Variants in PSTPIP2 observed in about 807,000 individuals in gnomAD.
The protein encoded by PSTPIP2 is proline-serine-threonine phosphatase interacting protein 2.
Under a neutral mutation model 63.3 loss-of-function variants are expected in PSTPIP2, and 33 were observed. That is an observed-to-expected ratio of 0.52 (90% CI 0.40 to 0.70). PSTPIP2 has a LOEUF of 0.70. PSTPIP2 is among the 30% of genes least tolerant of loss of function. The probability of loss-of-function intolerance (pLI) is 0.00; values close to 1 mark genes in which losing one functional copy is unlikely to be tolerated. For synonymous variants in PSTPIP2, 125 were observed against 132.7 expected, an observed-to-expected ratio of 0.94 and a Z score of 0.40; for missense variants, 312 against 400.7, an observed-to-expected ratio of 0.78 and a Z score of 1.89.
intron 2 of PSTPIP2, among the ~76,000 whole-genome samples, chr18:46,031,502 G>A (rs1414479621): frequency 6.6e-6 from 1 of 152,144 alleles, no homozygotes; most frequent in Non-Finnish European, 1.5e-5. Context: ...ACCTGAAGCT[G>A]ACTCTAGTTA....
At chr18:46,014,031 CT>C (rs61657655) in intron 4 of PSTPIP2, among the ~76,000 whole-genome samples, 173 of 146,810 alleles carry the variant, frequency 1.2e-3, no homozygotes, top group African/African-American at 2.0e-3. Context: ...AAGAAGGGAT[CT>C]TTTTTTTTTT....
chr18:46,005,002 A>G (rs2051709622), intron 6 of PSTPIP2, among the ~76,000 whole-genome samples: 1 of 152,256 alleles, frequency 6.6e-6, no homozygotes, highest in Admixed American at 6.5e-5. Flanking sequence ...TATGTGGTAC[A>G]TATACACCAT....
At chr18:45,995,300 G>A (rs769890677) in intron 9 of PSTPIP2, among the ~76,000 whole-genome samples, 3 of 151,842 alleles carry the variant, frequency 2.0e-5, no homozygotes, top group Non-Finnish European at 4.4e-5. Flanking sequence ...ACAAAATTTC[G>A]CTGTGTTGCC....
chr18:46,011,024 C>G (rs687526), intron 5 of PSTPIP2, 157 bp downstream of exon 5: 2 of 640,468 alleles, frequency 3.1e-6, no homozygotes, highest in African/African-American at 3.7e-5. Context: ...TGCATATACC[C>G]ATCTGGACTG....
chr18:46,062,995 C>T (rs1304436622), intron 1 of PSTPIP2, among the ~76,000 whole-genome samples: 6 of 152,148 alleles, frequency 3.9e-5, no homozygotes, highest in Non-Finnish European at 8.8e-5. Flanking sequence ...CTTAAGCCCT[C>T]ATACTCAAAA....
chr18:46,048,456 G>A (rs1296237298), intron 1 of PSTPIP2, among the ~76,000 whole-genome samples: 1 of 152,192 alleles, frequency 6.6e-6, no homozygotes, highest in Non-Finnish European at 1.5e-5. Context: ...AGCAGCAACA[G>A]AAAGCTAACA....
chr18:46,032,037 A>G (rs1196068444), intron 2 of PSTPIP2, among the ~76,000 whole-genome samples: 1 of 152,210 alleles, frequency 6.6e-6, no homozygotes, highest in Non-Finnish European at 1.5e-5. Context: ...AGGAATTACT[A>G]GAACATCACA....
At chr18:46,025,336 G>A (rs970196368) in intron 2 of PSTPIP2, among the ~76,000 whole-genome samples, 1 of 151,984 alleles carries the variant, frequency 6.6e-6, no homozygotes, top group African/African-American at 2.4e-5. Context: ...ATATCCTCAC[G>A]GTAAAAGACT....
At chr18:46,063,231 C>T (rs1231183928) in intron 1 of PSTPIP2, among the ~76,000 whole-genome samples, 4 of 151,908 alleles carry the variant, frequency 2.6e-5, no homozygotes, top group Non-Finnish European at 5.9e-5. Flanking sequence ...TCTTGAACCC[C>T]TGGACTCAAG....
intron 12 of PSTPIP2, among the ~76,000 whole-genome samples, chr18:45,991,334 A>G (rs1033653321): frequency 4.6e-5 from 7 of 152,210 alleles, no homozygotes; most frequent in Non-Finnish European, 1.0e-4. Context: ...TAAAGGGCCA[A>G]GTAGTAAATG....
chr18:46,019,393 C>T lies in PSTPIP2; in HGVS notation c.213-3456G>A, dbSNP rs182045149. 6.1e-3 allele frequency among the ~76,000 whole-genome samples: 936 copies of T among 152,316 alleles called. 6 individuals carry two copies. Among genetic ancestry groups the T allele is most frequent in the Non-Finnish European group, 7.2e-3 (490 of 68,026 alleles). Reference sequence around the variant, plus strand: ...TTCTCTCTGCCTTTTCTCACATGAACATTTGCGCCAGTTATTACAAATACA... The same window carrying T: ...TTCTCTCTGCCTTTTCTCACATGAATATTTGCGCCAGTTATTACAAATACA... On this transcript the variant is annotated intron_variant, in intron 3 of 14. Transcript: ENST00000409746.
intron 1 of PSTPIP2, among the ~76,000 whole-genome samples, chr18:46,042,801 C>T (rs1482925621): frequency 6.6e-6 from 1 of 152,064 alleles, no homozygotes; most frequent in African/African-American, 2.4e-5. Context: ...TCTTGGCCCT[C>T]CTATTCTTAT....
At position 46,037,398 on chromosome 18, in the gene PSTPIP2, C is replaced by T. The variant is rs112753674; in HGVS notation, c.134+2549G>A. 4.7e-3 allele frequency among the ~76,000 whole-genome samples: 717 copies of T among 152,244 alleles called. 11 individuals carry two copies. The highest frequency in any genetic ancestry group is 0.03 in the Admixed American group (451 of 15,286). On this transcript the variant is annotated intron_variant, in intron 2 of 14. Coordinates refer to ENST00000409746, the MANE Select transcript of PSTPIP2 (RefSeq NM_024430.4). ...TCGACCTCAGGTGATCTGCCTGCCT[C>T]GGCCTCCCAAAGTTCTGGGATTACA...
chr18:46,057,777 C>T (rs541974932), intron 1 of PSTPIP2, among the ~76,000 whole-genome samples: 220 of 152,084 alleles, frequency 1.4e-3, no homozygotes, highest in African/African-American at 5.0e-3. Context: ...GCAGGCGGAT[C>T]GTGAGGTCAG....
intron 1 of PSTPIP2, among the ~76,000 whole-genome samples, chr18:46,064,288 T>C (rs1173803187): frequency 1.0e-4 from 12 of 117,128 alleles, no homozygotes; most frequent in South Asian, 3.1e-4. Context: ...CTTTCTTTTT[T>C]TTTTTTTTTT....
intron 9 of PSTPIP2, among the ~76,000 whole-genome samples, chr18:45,996,903 C>G (rs111339528): frequency 1.5e-3 from 229 of 152,308 alleles, no homozygotes; most frequent in African/African-American, 5.4e-3. Flanking sequence ...GCCTGGGCGA[C>G]AGAGTGAGAC....
At chr18:46,056,078 A>G (rs1322879110) in intron 1 of PSTPIP2, among the ~76,000 whole-genome samples, 1 of 152,062 alleles carries the variant, frequency 6.6e-6, no homozygotes, top group Non-Finnish European at 1.5e-5. Flanking sequence ...TTCTCTCTCT[A>G]CAGCAGAGAT....
rs113909156 is a variant in PSTPIP2 at position 46,014,496 on chromosome 18, T to C, written c.247+1407A>G. Among the ~76,000 whole-genome samples, 816 of 152,258 alleles carry C rather than the reference T, an allele frequency of 5.4e-3. 9 individuals are homozygous for C. Among genetic ancestry groups the C allele is most frequent in the Middle Eastern group, 0.014 (4 of 292 alleles). On this transcript the variant is annotated intron_variant, in intron 4 of 14. Transcript: ENST00000409746. ...TGGGAGGCCAAGGCAGGAAGATCAC[T>C]TGAGCCCAGGAATTCAAGACCAGTT...
chr18:46,014,132 C>T lies in PSTPIP2; in HGVS notation c.247+1771G>A, dbSNP rs570072421. Among the ~76,000 whole-genome samples, 7 of 152,154 alleles carry T rather than the reference C, an allele frequency of 4.6e-5. No homozygotes were observed. In the South Asian group the frequency reaches 8.3e-4, roughly 18 times the overall value. On this transcript the variant is annotated intron_variant, in intron 4 of 14. Coordinates refer to ENST00000409746, the MANE Select transcript of PSTPIP2 (RefSeq NM_024430.4). ...CTACTTCCCAGGTTCAAGTGATTCT[C>T]GTGCCTCAGCCTCTGGAGTAGCTGG... is the stretch of plus-strand genomic sequence containing the variant.
Sources: gnomAD v4.1 joint callset for allele counts (sites outside exome capture counted in the v4.1 genomes callset) on GRCh38, gnomAD v4.1.1 for gene constraint, MANE v1.5 for transcripts, NCBI Gene and HGNC (gene_info 2026-07-23, HGNC 2026-07-21) for gene names.